RPUSD3: variants seen among roughly 807,000 people sequenced by gnomAD.
The protein encoded by RPUSD3 is mitochondrial mRNA pseudouridine synthase RPUSD3.
RPUSD3 carries 36 observed loss-of-function variants against 35.1 expected under a neutral mutation model. The ratio of observed to expected loss-of-function variants is 1.02; its 90% CI spans 0.79 to 1.35. The LOEUF is 1.35. Ranked by LOEUF, RPUSD3 falls within the 40% of genes most tolerant of loss-of-function variation. The probability of loss-of-function intolerance (pLI) is 0.00; values close to 1 mark genes in which losing one functional copy is unlikely to be tolerated. For missense variants in RPUSD3, 486 were observed against 441.9 expected (o/e 1.10, Z -0.89); for synonymous variants, 202 against 187.8 (o/e 1.08, Z -0.62).
At chr3:9,840,445 C>G (rs761504880) in intron 6 of RPUSD3, 87 bp downstream of exon 6, 1 of 1,595,502 alleles carries the variant, frequency 6.3e-7, no homozygotes, top group Non-Finnish European at 8.6e-7. Flanking sequence ...ACAGGAGAGC[C>G]AGCCATCCCA....
At chr3:9,843,595 C>A in exon 2 of RPUSD3, 1 of 1,613,688 alleles carries the variant, frequency 6.2e-7, no homozygotes, top group South Asian at 1.1e-5. Context: ...GGGGTTGCCT[C>A]TGATGCCTGG....
exon 7 of RPUSD3, chr3:9,840,286 A>G: frequency 1.2e-6 from 2 of 1,614,094 alleles, no homozygotes; most frequent in Non-Finnish European, 1.7e-6. Flanking sequence ...TCCTTTCGGG[A>G]TGGGGCCTTC....
chr3:9,838,167 G>T (rs1474217576), exon 9 of RPUSD3: 5 of 1,612,044 alleles, frequency 3.1e-6, no homozygotes, highest in East Asian at 2.2e-5. Context: ...AGCCTGGGAG[G>T]GGGTCAGGTG....
exon 8 of RPUSD3, chr3:9,839,098 G>C: frequency 1.9e-6 from 3 of 1,614,216 alleles, no homozygotes; most frequent in Non-Finnish European, 2.5e-6. Context: ...TGCCCACACG[G>C]GCAGAGTACA....
At chr3:9,843,568 C>A (rs148884452) in exon 2 of RPUSD3, 2 of 1,613,676 alleles carry the variant, frequency 1.2e-6, no homozygotes, top group African/African-American at 1.3e-5. Flanking sequence ...GGGGCCCCGA[C>A]CGTTGGCAGG....
intron 4 of RPUSD3, 114 bp downstream of exon 4, chr3:9,841,869 C>A: frequency 1.2e-6 from 1 of 856,308 alleles, no homozygotes; most frequent in East Asian, 2.4e-5. Flanking sequence ...TTGTATCCAC[C>A]TCTATGATCT....
At chr3:9,838,195 C>T in exon 9 of RPUSD3, 4 of 1,611,944 alleles carry the variant, frequency 2.5e-6, no homozygotes, top group Middle Eastern at 2.3e-4. Flanking sequence ...CTGAGGAGGG[C>T]TTCATCCAGG....
chr3:9,843,313 G>A (rs2082129772), intron 2 of RPUSD3, 152 bp downstream of exon 2: 3 of 1,052,352 alleles, frequency 2.9e-6, no homozygotes, highest in African/African-American at 3.2e-5. Context: ...GTTAAAAGCG[G>A]GGAGAGGGTG....
At chr3:9,843,428 T>C in intron 2 of RPUSD3, 37 bp downstream of exon 2, 1 of 1,611,854 alleles carries the variant, frequency 6.2e-7, no homozygotes, top group Non-Finnish European at 8.5e-7. Context: ...GGCAGTCCCC[T>C]CCCGGTCCTT....
chr3:9,843,751 C>T lies in RPUSD3; in HGVS notation c.125+139G>A, dbSNP rs1226397249. The T allele has an allele frequency of 1.5e-5, 23 of 1,540,424 alleles. No individual in the cohort carries two copies. The Admixed American group carries it at 4.5e-4, about 30-fold the overall frequency. On this transcript the variant is annotated intron_variant, in intron 1 of 8. Transcript: ENST00000383820. ...TCGAAAATTCAGGTACGACCGGTCCCATTCTACAGCGGAGGGCACCGAGGC... is the reference window on the plus strand; with the variant it reads ...TCGAAAATTCAGGTACGACCGGTCCTATTCTACAGCGGAGGGCACCGAGGC...
At chr3:9,842,415 C>A (rs1350689195) in intron 2 of RPUSD3, 172 bp from the exon 3 acceptor site, 1 of 674,446 alleles carries the variant, frequency 1.5e-6, no homozygotes, top group East Asian at 2.7e-5. Context: ...CCTCTGCCAC[C>A]TCAGAGCCTC....
chr3:9,839,000 T>C, intron 8 of RPUSD3, 32 bp downstream of exon 8: 13 of 1,613,658 alleles, frequency 8.1e-6, no homozygotes, highest in Non-Finnish European at 1.1e-5. Context: ...CCTCCACCCC[T>C]CAGAAAGCAG....
chr3:9,839,732 C>T (rs1393944759), intron 7 of RPUSD3: 1 of 161,408 alleles, frequency 6.2e-6, no homozygotes, highest in Non-Finnish European at 1.3e-5. Context: ...TGCGTGCCAC[C>T]AACTCCAGCT....
chr3:9,840,130 T>G, intron 7 of RPUSD3, 54 bp downstream of exon 7: 1 of 1,584,610 alleles, frequency 6.3e-7, no homozygotes, highest in Non-Finnish European at 8.6e-7. Context: ...TCCACCTGCC[T>G]CAGCCTCCCA....
chr3:9,843,372 C>G (rs963783223), intron 2 of RPUSD3, 93 bp downstream of exon 2: 7 of 1,557,018 alleles, frequency 4.5e-6, no homozygotes, highest in Admixed American at 1.8e-5. Flanking sequence ...GAGGCAGAAG[C>G]AGGGCTGATC....
chr3:9,839,189 C>G lies in RPUSD3; in HGVS notation c.725-18G>C, dbSNP rs141208638. 1.7e-3 allele frequency: 2,642 copies of G among 1,597,186 alleles called. 45 individuals are homozygous for G. In the African/African-American group the frequency reaches 0.031, roughly 19 times the overall value. On this transcript the variant is annotated intron_variant, in intron 7 of 8. Coordinates refer to ENST00000383820, the Ensembl canonical transcript of RPUSD3. The stretch of plus-strand genomic sequence containing the variant: ...GGAGAACACTGGGCAACAGGAAAGC[C>G]AGGAGAGACAGTGGGCAGCTACTCG...
At chr3:9,843,402 C>A in intron 2 of RPUSD3, 63 bp downstream of exon 2, 1 of 1,599,844 alleles carries the variant, frequency 6.3e-7, no homozygotes, top group African/African-American at 1.3e-5. Flanking sequence ...CAATGGAGAG[C>A]CCAACTGCAC....
At chr3:9,840,874 G>A in intron 4 of RPUSD3, 69 bp from the exon 5 acceptor site, 1 of 1,203,570 alleles carries the variant, frequency 8.3e-7, no homozygotes, top group Non-Finnish European at 1.2e-6. Context: ...GAAACTCTTA[G>A]GAACACTGAC....
exon 9 of RPUSD3, chr3:9,837,972 C>G: frequency 1.3e-6 from 2 of 1,509,640 alleles, no homozygotes; most frequent in Non-Finnish European, 1.8e-6. Flanking sequence ...AGCCCCCACC[C>G]TCACTTTCCA....
Sources: allele counts gnomAD v4.1 joint callset, GRCh38; gene constraint gnomAD v4.1.1; transcripts MANE v1.5; gene names NCBI Gene and HGNC (gene_info 2026-07-23, HGNC 2026-07-21).